Variants in BABAM2 observed in about 807,000 individuals in gnomAD.
BABAM2 encodes the protein BRISC and BRCA1-A complex member 2.
BABAM2 carries 31 observed loss-of-function variants against 54.7 expected under a neutral mutation model. The observed-to-expected ratio is 0.57, with a 90% confidence interval of 0.43 to 0.77. BABAM2 has a LOEUF of 0.77. BABAM2 is among the 30% of genes least tolerant of loss of function. BABAM2 has a pLI of 0.00. For missense variants in BABAM2, 364 were observed against 455.8 expected (o/e 0.80, Z 1.83); for synonymous variants, 167 against 162.9 (o/e 1.03, Z -0.19).
At chr2:28,301,549 G>A (rs1465649552) in intron 11 of BABAM2, among the ~76,000 whole-genome samples, 2 of 152,168 alleles carry the variant, frequency 1.3e-5, no homozygotes, top group Non-Finnish European at 1.5e-5. Context: ...TGCTATGAGA[G>A]GCCAGCAAGT....
chr2:28,259,065 G>T (rs576077789), intron 10 of BABAM2, among the ~76,000 whole-genome samples: 2 of 104,686 alleles, frequency 1.9e-5, no homozygotes, highest in Admixed American at 2.7e-4. Flanking sequence ...TTCAGCCACT[G>T]CACCTGGCCT....
At chr2:27,965,082 T>C (rs761435529) in intron 3 of BABAM2, among the ~76,000 whole-genome samples, 21 of 152,202 alleles carry the variant, frequency 1.4e-4, no homozygotes, top group Non-Finnish European at 2.6e-4. Flanking sequence ...GAATAAGATA[T>C]GGAGGGCAAT....
intron 7 of BABAM2, among the ~76,000 whole-genome samples, chr2:28,160,666 G>A (rs1672987264): frequency 6.7e-6 from 1 of 149,386 alleles, no homozygotes. Flanking sequence ...CATCTAGCAT[G>A]TGCAAATACT....
At chr2:28,144,991 C>T (rs1430198734) in intron 7 of BABAM2, among the ~76,000 whole-genome samples, 1 of 152,184 alleles carries the variant, frequency 6.6e-6, no homozygotes, top group Non-Finnish European at 1.5e-5. Context: ...ACAGCACCTG[C>T]ATCAACATGA....
chr2:28,309,937 C>G, intron 11 of BABAM2: 1 of 788,578 alleles, frequency 1.3e-6, no homozygotes, highest in Admixed American at 2.5e-5. Flanking sequence ...GCAAGCTCAC[C>G]CGTCCCTCCT....
intron 3 of BABAM2, among the ~76,000 whole-genome samples, chr2:27,974,042 AT>A (rs1407741344): frequency 1.3e-5 from 2 of 152,188 alleles, no homozygotes; most frequent in Non-Finnish European, 2.9e-5. Context: ...AATAAATTGA[AT>A]TTATAGTTAA....
intron 7 of BABAM2, among the ~76,000 whole-genome samples, chr2:28,167,827 C>A (rs1001133959): frequency 6.6e-6 from 1 of 152,014 alleles, no homozygotes; most frequent in Non-Finnish European, 1.5e-5. Context: ...AACCTATATT[C>A]CCTATAAAAT....
chr2:27,966,342 T>C (rs1282968173), intron 3 of BABAM2, among the ~76,000 whole-genome samples: 1 of 152,226 alleles, frequency 6.6e-6, no homozygotes, highest in Non-Finnish European at 1.5e-5. Flanking sequence ...ATTTTCCAGT[T>C]TTCAAAATAA....
intron 7 of BABAM2, among the ~76,000 whole-genome samples, chr2:28,223,156 T>C (rs1471632032): frequency 6.6e-6 from 1 of 152,234 alleles, no homozygotes; most frequent in Non-Finnish European, 1.5e-5. Context: ...AAACAGGATA[T>C]TTAGTAAGAT....
At chr2:28,137,453 T>G (rs1670653296) in intron 7 of BABAM2, among the ~76,000 whole-genome samples, 1 of 152,292 alleles carries the variant, frequency 6.6e-6, no homozygotes, top group South Asian at 2.1e-4. Context: ...AAAAGGGTTC[T>G]TCATGACTTA....
chr2:27,910,246 G>A (rs1018292197), intron 2 of BABAM2, among the ~76,000 whole-genome samples: 1 of 152,154 alleles, frequency 6.6e-6, no homozygotes, highest in Non-Finnish European at 1.5e-5. Flanking sequence ...ATAAAACTGT[G>A]GATCTGACAG....
intron 7 of BABAM2, among the ~76,000 whole-genome samples, chr2:28,147,737 T>C (rs969303918): frequency 6.6e-6 from 1 of 152,186 alleles, no homozygotes; most frequent in African/African-American, 2.4e-5. Flanking sequence ...CCTCCCAAAG[T>C]GCTGGGATAA....
intron 10 of BABAM2, among the ~76,000 whole-genome samples, chr2:28,289,080 ACAC>A (rs1328390488): frequency 6.6e-6 from 1 of 151,740 alleles, no homozygotes; most frequent in Non-Finnish European, 1.5e-5. Flanking sequence ...ACACACACAC[ACAC>A]GATTATGTAA....
At chr2:27,960,041 C>T (rs563895823) in intron 3 of BABAM2, among the ~76,000 whole-genome samples, 3 of 151,908 alleles carry the variant, frequency 2.0e-5, no homozygotes, top group East Asian at 1.9e-4. Flanking sequence ...AGATTTTTTT[C>T]CCCACTTCAT....
intron 10 of BABAM2, among the ~76,000 whole-genome samples, chr2:28,280,856 G>A (rs1686293108): frequency 6.6e-6 from 1 of 152,134 alleles, no homozygotes; most frequent in Non-Finnish European, 1.5e-5. Flanking sequence ...ACAGAGTGTT[G>A]GTGAGGGGTC....
chr2:28,062,253 G>A (rs6547823), intron 6 of BABAM2, among the ~76,000 whole-genome samples: 138,999 of 140,064 alleles, frequency 0.99, 68,987 homozygotes, highest in Middle Eastern at 1. Context: ...GCAGGAGTCC[G>A]TCTCAAAAAA....
intron 4 of BABAM2, among the ~76,000 whole-genome samples, chr2:28,000,176 T>A (rs1452357942): frequency 1.3e-5 from 2 of 152,184 alleles, no homozygotes; most frequent in African/African-American, 2.4e-5. Context: ...ATTCCGATTT[T>A]AAAAATTTTT....
At chr2:28,073,864 G>A (rs937964132) in intron 6 of BABAM2, among the ~76,000 whole-genome samples, 3 of 152,014 alleles carry the variant, frequency 2.0e-5, no homozygotes, top group Non-Finnish European at 4.4e-5. Context: ...GTGCTACAGT[G>A]AATATCCATG....
intron 9 of BABAM2, among the ~76,000 whole-genome samples, chr2:28,241,704 A>C (rs1004059870): frequency 2.6e-5 from 4 of 151,944 alleles, no homozygotes; most frequent in Non-Finnish European, 5.9e-5. Flanking sequence ...CATGTTGTCC[A>C]GGCTGGTCTC....
Sources: gnomAD v4.1 joint callset for allele counts (sites outside exome capture counted in the v4.1 genomes callset) on GRCh38, gnomAD v4.1.1 for gene constraint, MANE v1.5 for transcripts, NCBI Gene and HGNC (gene_info 2026-07-23, HGNC 2026-07-21) for gene names.